The following NFIX variants were observed in gnomAD, a reference collection of about 807,000 sequenced individuals.
NFIX encodes the protein nuclear factor 1 X-type.
NFIX carries 2 observed loss-of-function variants against 53.3 expected under a neutral mutation model. The ratio of observed to expected loss-of-function variants is 0.04; its 90% confidence interval spans 0.02 to 0.12. The LOEUF (loss-of-function observed/expected upper bound fraction) is 0.12. Among genes scored for constraint, NFIX ranks in the 10% least tolerant of loss-of-function variants. The pLI, the probability that NFIX is intolerant of heterozygous loss-of-function variation, is 1.00. For missense variants in NFIX, 310 were observed against 674.5 expected (o/e 0.46, Z 5.99); for synonymous variants, 244 against 289.0 (o/e 0.84, Z 1.58).
At chr19:13,065,044 A>AT (rs1049579375) in intron 2 of NFIX, among the ~76,000 whole-genome samples, 40 of 7,332 alleles carry the variant, frequency 5.5e-3, no homozygotes, top group East Asian at 0.05. Flanking sequence ...ACGGATGTGA[A>AT]TTGGGGGAGC....
intron 2 of NFIX, among the ~76,000 whole-genome samples, chr19:13,065,394 A>G (rs910943528): frequency 6.6e-5 from 10 of 152,170 alleles, no homozygotes; most frequent in African/African-American, 2.4e-5. Flanking sequence ...GGTATCTCTG[A>G]AACACCCCAG....
intron 8 of NFIX, among the ~76,000 whole-genome samples, chr19:13,085,081 A>G (rs899479138): frequency 3.3e-5 from 5 of 151,818 alleles, no homozygotes; most frequent in Middle Eastern, 3.4e-3. Flanking sequence ...AAAAAAAAAA[A>G]AAAAAAAAAA....
chr19:13,017,032 G>T (rs1220986056), intron 1 of NFIX, among the ~76,000 whole-genome samples: 2 of 152,136 alleles, frequency 1.3e-5, no homozygotes, highest in Non-Finnish European at 2.9e-5. Context: ...TTCTTCCTTA[G>T]CATTAATTAA....
chr19:13,082,397 C>A (rs2017525334), intron 8 of NFIX: 1 of 152,770 alleles, frequency 6.5e-6, no homozygotes, highest in African/African-American at 2.4e-5. Context: ...AAAAAAAAGT[C>A]TCCAGATTTC....
chr19:12,996,043 C>A lies in NFIX; in HGVS notation c.27+179C>A, dbSNP rs900102438. ...GCACGCGTGCGGGCGTCACCGTGCG[C>A]GTGCGACCCTGGCCACCGGGCGGAC... On this transcript the variant is annotated intron_variant, in intron 1 of 10. Coordinates refer to ENST00000592199, the MANE Select transcript of NFIX (RefSeq NM_001365902.3). This position sits in a 1 kb window ranked among gnomAD's most constrained non-coding sequence, Gnocchi z 5.2. Among the ~76,000 whole-genome samples, 26 of 151,228 alleles carry A rather than the reference C, an allele frequency of 1.7e-4. No individual in the cohort carries two copies. The highest frequency in any genetic ancestry group is 5.8e-4 in the African/African-American group (24 of 41,352).
chr19:13,037,982 C>T lies in NFIX; in HGVS notation c.559+12430C>T, dbSNP rs1332538627. On this transcript the variant is annotated intron_variant, in intron 2 of 10. Coordinates refer to ENST00000592199, the MANE Select transcript of NFIX (RefSeq NM_001365902.3). The surrounding 1 kb of genome is among the most constrained non-coding windows in gnomAD (Gnocchi z 4.2). ...TGCGTGGTCTCTCCTCAGGACGCCT[C>T]TTGCCTCTGCTAGCAGAGTGGGCTG... is the stretch of plus-strand genomic sequence containing the variant. Among the ~76,000 whole-genome samples the T allele has an allele frequency of 6.6e-6, 1 of 152,186 alleles. No homozygotes were observed. Among genetic ancestry groups the T allele is most frequent in the Non-Finnish European group, 1.5e-5 (1 of 68,028 alleles).
Position 13,043,817 on chromosome 19 carries a change from T to C in NFIX, c.559+18265T>C, listed in dbSNP as rs903702620. Among the ~76,000 whole-genome samples the C allele has an allele frequency of 2.0e-5, 3 of 152,124 alleles. No homozygotes were observed. The highest frequency in any genetic ancestry group is 4.4e-5 in the Non-Finnish European group (3 of 68,020). ...ATCTGTGTGCCTGAATATGCATGCT[T>C]ATTCATCTCGAAAACTGGGCCGTAG... On this transcript the variant is annotated intron_variant, in intron 2 of 10. Coordinates refer to ENST00000592199, the MANE Select transcript of NFIX (RefSeq NM_001365902.3). The surrounding 1 kb of genome is among the most constrained non-coding windows in gnomAD (Gnocchi z 4.0).
chr19:13,081,986 G>A lies in NFIX; in HGVS notation c.1254+131G>A. ...GGGCTGGAGCAGCAGGGAGCTGGTAGTACCAAACGCCTCGATTTTCTGGGT... is the reference window on the plus strand; with the variant it reads ...GGGCTGGAGCAGCAGGGAGCTGGTAATACCAAACGCCTCGATTTTCTGGGT... On this transcript the variant is annotated intron_variant, in intron 8 of 10. Coordinates refer to ENST00000592199, the MANE Select transcript of NFIX (RefSeq NM_001365902.3). This position sits in a 1 kb window ranked among gnomAD's most constrained non-coding sequence, Gnocchi z 4.7. The A allele has an allele frequency of 6.7e-6, 7 of 1,038,940 alleles. No individual in the cohort carries two copies. The highest frequency in any genetic ancestry group is 8.3e-6 in the Non-Finnish European group (6 of 719,572). 64.4% of individuals were successfully genotyped at this position (1,038,940 alleles called of 1,614,324 possible).
At position 13,045,701 on chromosome 19, in the gene NFIX, C is replaced by T. The variant is rs1439013256; in HGVS notation, c.559+20149C>T. Reference sequence around the variant, plus strand: ...CAACTGCACTGTGTTGACCCCATGGCGGGCATCAGGGGACCACAGGCTGTG... The same window carrying T: ...CAACTGCACTGTGTTGACCCCATGGTGGGCATCAGGGGACCACAGGCTGTG... On this transcript the variant is annotated intron_variant, in intron 2 of 10. Transcript: ENST00000592199. The surrounding 1 kb of genome is among the most constrained non-coding windows in gnomAD (Gnocchi z 4.4). 6.6e-6 allele frequency among the ~76,000 whole-genome samples: 1 copy of T among 152,142 alleles called. No individual in the cohort carries two copies. The highest frequency in any genetic ancestry group is 1.5e-5 in the Non-Finnish European group (1 of 68,012).
At chr19:13,024,127 A>C (rs2013134626) in intron 1 of NFIX, 3 of 867,414 alleles carry the variant, frequency 3.5e-6, no homozygotes, top group South Asian at 1.6e-5. Flanking sequence ...AAAAAAAAAA[A>C]AAACCAAACA....
chr19:12,996,252 C>A lies in NFIX; in HGVS notation c.27+388C>A, dbSNP rs1766824225. ...GTAGCGCGCACCCGGGCAGCGTGGT[C>A]GCTGGCAGTGTTTGCGGGGTTGACA... On this transcript the variant is annotated intron_variant, in intron 1 of 10. Transcript: ENST00000592199. This position sits in a 1 kb window ranked among gnomAD's most constrained non-coding sequence, Gnocchi z 5.2. Among the ~76,000 whole-genome samples, 1 of 151,900 alleles carries A rather than the reference C, an allele frequency of 6.6e-6. No individual in the cohort carries two copies. The highest frequency in any genetic ancestry group is 2.1e-4 in the South Asian group (1 of 4,810).
Position 13,078,663 on chromosome 19 carries a change from T to A in NFIX, c.1006T>A (p.Ser336Thr), listed in dbSNP as rs1257252159. ...AAAGCTGGACTTCTGCAGTGCCCTC[T>A]CCTCTCAGGGCAGCTCCCCGCGCAT... The part of the protein sequence containing the change: ...SGKLDFCSAL[S>T]SQGSSPRMAF... Residue 336 changes from serine (S) to threonine (T), a missense_variant, in exon 7 of 11, where the codon TCC becomes ACC. Physicochemically the swap from Ser to Thr is moderately conservative, Grantham distance 58 (BLOSUM62 1). Around this residue, in one of 5 missense-constraint regions of NFIX, gnomAD observed 164 missense variants for 284.4 expected, o/e 0.58. Transcript: ENST00000592199. The surrounding 1 kb of genome is among the most constrained non-coding windows in gnomAD (Gnocchi z 4.7). 6.2e-7 allele frequency: 1 copy of A among 1,600,092 alleles called. No homozygotes were observed. The highest frequency in any genetic ancestry group is 1.3e-5 in the African/African-American group (1 of 74,730).
intron 10 of NFIX, among the ~76,000 whole-genome samples, chr19:13,092,380 G>T (rs1283516581): frequency 6.6e-6 from 1 of 152,152 alleles, no homozygotes; most frequent in Non-Finnish European, 1.5e-5. Flanking sequence ...GGGAGGTGCC[G>T]GGGAGCCCCC....
At chr19:13,029,877 C>T (rs2013664400) in intron 2 of NFIX, among the ~76,000 whole-genome samples, 1 of 152,168 alleles carries the variant, frequency 6.6e-6, no homozygotes, top group South Asian at 2.1e-4. Context: ...GCTGCCCATC[C>T]ACGTCCTTCC....
rs1470245020 is a variant in NFIX, at chr19:13,005,477, T to C, written c.27+9613T>C. On this transcript the variant is annotated intron_variant, in intron 1 of 10. Transcript: ENST00000592199. The surrounding 1 kb of genome is among the most constrained non-coding windows in gnomAD (Gnocchi z 4.7). Reference sequence around the variant, plus strand: ...CTTCAGGCAAGTTGCTTAACCTCTCTGGGTCTCAATTTCTGTATCTAGGAA... The same window carrying C: ...CTTCAGGCAAGTTGCTTAACCTCTCCGGGTCTCAATTTCTGTATCTAGGAA... Among the ~76,000 whole-genome samples, 1 of 152,128 alleles carries C rather than the reference T, an allele frequency of 6.6e-6. No homozygotes were observed. The highest frequency in any genetic ancestry group is 2.4e-5 in the African/African-American group (1 of 41,432).
At chr19:13,038,608 A>G (rs2014378665) in intron 2 of NFIX, among the ~76,000 whole-genome samples, 1 of 152,262 alleles carries the variant, frequency 6.6e-6, no homozygotes, top group Admixed American at 6.5e-5. Flanking sequence ...TTAGCCCGGC[A>G]TATGTGAAAT....
chr19:13,056,778 T>G (rs1303693117), intron 2 of NFIX, among the ~76,000 whole-genome samples: 1 of 152,210 alleles, frequency 6.6e-6, no homozygotes, highest in Non-Finnish European at 1.5e-5. Flanking sequence ...GGCACCTTGT[T>G]CAAAAATTAA....
chr19:13,077,368 C>G (rs2017172294), intron 6 of NFIX, among the ~76,000 whole-genome samples: 1 of 152,232 alleles, frequency 6.6e-6, no homozygotes, highest in Non-Finnish European at 1.5e-5. Context: ...TCCCCTCACC[C>G]CGCTGTGTGT....
Position 13,085,049 on chromosome 19 carries a change from G to A in NFIX, c.1255-2940G>A, listed in dbSNP as rs575308224. On this transcript the variant is annotated intron_variant, in intron 8 of 10. Transcript: ENST00000592199. ...TGCGCCACTGCACTCCAGCCTGGGC[G>A]ACAGAGTGAGACTCCATCTCAAAAA... Among the ~76,000 whole-genome samples the A allele has an allele frequency of 1.1e-3, 151 of 139,848 alleles. 1 individual carries two copies. Among genetic ancestry groups the A allele is most frequent in the South Asian group, 5.2e-3 (23 of 4,458 alleles). 91.7% of individuals were successfully genotyped at this position (139,848 alleles called of 152,430 possible).
Sources: allele counts gnomAD v4.1 joint callset (sites outside exome capture counted in the v4.1 genomes callset), GRCh38; gene constraint gnomAD v4.1.1; regional missense constraint gnomAD v4.1.1; non-coding constraint Gnocchi (gnomAD v3.1); transcripts MANE v1.5; gene names NCBI Gene and HGNC (gene_info 2026-07-23, HGNC 2026-07-21).